The following ACOT9 variants were observed in gnomAD, a reference collection of about 807,000 sequenced individuals.
The protein encoded by ACOT9 is acyl-CoA thioesterase 9.
A neutral mutation model predicts 39.7 loss-of-function variants in ACOT9; 34 were observed. That is an observed-to-expected ratio of 0.86 (90% CI 0.65 to 1.14). The LOEUF (loss-of-function observed/expected upper bound fraction) is 1.14. Ranked by LOEUF, ACOT9 falls within the 50% of genes most tolerant of loss-of-function variation. The probability of loss-of-function intolerance (pLI) is 0.00; values close to 1 mark genes in which losing one functional copy is unlikely to be tolerated. For missense variants in ACOT9, 313 were observed against 344.1 expected (o/e 0.91, Z 0.71); for synonymous variants, 110 against 120.5 (o/e 0.91, Z 0.57).
At position 23,723,245 on chromosome X, in the gene ACOT9, T is replaced by C. The variant is rs749243367; in HGVS notation, c.401-492A>G. 1.9e-4 allele frequency among the ~76,000 whole-genome samples: 21 copies of C among 111,997 alleles called. 1 individual carries two copies. Among genetic ancestry groups the C allele is most frequent in the Non-Finnish European group, 3.8e-5 (2 of 53,222 alleles). On this transcript the variant is annotated intron_variant, in intron 6 of 15. Transcript: ENST00000379303. Reference sequence around the variant, plus strand: ...CCACCCTGTGGTTATCTGTATACTTTCCATATTTTAACAAGCATTTATATG... The same window carrying C: ...CCACCCTGTGGTTATCTGTATACTTCCCATATTTTAACAAGCATTTATATG...
At chrX:23,735,772 C>A in intron 2 of ACOT9, 147 bp downstream of exon 2, 2 of 447,761 alleles carry the variant, frequency 4.5e-6, no homozygotes, top group Non-Finnish European at 7.5e-6. Flanking sequence ...ATGCAGCTAT[C>A]CTGGTCATTT....
intron 9 of ACOT9, among the ~76,000 whole-genome samples, chrX:23,711,042 G>C (rs1404887368): frequency 9.0e-6 from 1 of 110,845 alleles, no homozygotes; most frequent in Non-Finnish European, 1.9e-5. Context: ...AAACGGGCTG[G>C]GCGAAATGAC....
chrX:23,724,039 G>A (rs1038308532), intron 6 of ACOT9, among the ~76,000 whole-genome samples: 3 of 111,835 alleles, frequency 2.7e-5, no homozygotes, highest in African/African-American at 9.8e-5. Flanking sequence ...AAGGCAGGAA[G>A]ATCACTTGAG....
chrX:23,726,208 AT>A (rs2146842387), intron 6 of ACOT9, among the ~76,000 whole-genome samples: 1 of 112,151 alleles, frequency 8.9e-6, no homozygotes, highest in African/African-American at 3.2e-5. Context: ...CTCAAAAAAA[AT>A]AAATAAACAA....
rs750878661 is a variant in ACOT9, at chrX:23,711,076, T to C, written c.662+2059A>G. Among the ~76,000 whole-genome samples the C allele has an allele frequency of 2.6e-3, 294 of 111,185 alleles. 1 individual carries two copies. The highest frequency in any genetic ancestry group is 9.1e-3 in the African/African-American group (280 of 30,664). The stretch of plus-strand genomic sequence containing the variant: ...ACTCACGCCTGTTATCTCAGCACTT[T>C]GGAATCCCTAGGTGGGCAGATCACT... On this transcript the variant is annotated intron_variant, in intron 9 of 15. Transcript: ENST00000379303.
rs200394258 is a variant in ACOT9 at position 23,706,709 on chromosome X, G to C, written c.761C>G (p.Ser254Cys). Residue 254 changes from serine to cysteine, a missense_variant, in exon 11 of 16, where the codon TCC becomes TGC. Transcript: ENST00000379303. ...LNKGRRIAFS[S>C]TSLLKMAPSA... is the part of the protein sequence containing the mutation. ...GGGGGCCATTTTCAGTAACGACGTGGAGCTGAAGGCAATTCTTCTCCCCTT... is the reference window on the plus strand; with the variant it reads ...GGGGGCCATTTTCAGTAACGACGTGCAGCTGAAGGCAATTCTTCTCCCCTT... The C allele has an allele frequency of 5.0e-6, 6 of 1,201,820 alleles. No individual in the cohort carries two copies. In the African/African-American group the frequency reaches 8.8e-5, roughly 18 times the overall value.
At position 23,720,007 on chromosome X, in the gene ACOT9, T is replaced by G. The variant is rs56244666; in HGVS notation, c.588+1874A>C. Among the ~76,000 whole-genome samples, 801 of 110,839 alleles carry G rather than the reference T, an allele frequency of 7.2e-3. 3 individuals carry two copies. The highest frequency in any genetic ancestry group is 0.012 in the South Asian group (33 of 2,668). On this transcript the variant is annotated intron_variant, in intron 8 of 15. Transcript: ENST00000379303. ...CCGCCACCACGCCCGGCTAATTTTT[T>G]TATTTTTAGTAGAGACAGGGTTTCA...
intron 6 of ACOT9, among the ~76,000 whole-genome samples, chrX:23,729,105 G>T (rs181642402): frequency 3.4e-4 from 38 of 111,382 alleles, no homozygotes; most frequent in African/African-American, 1.2e-3. Flanking sequence ...TAATTACAAA[G>T]GGGAAAAGAG....
rs752666995 is a variant in ACOT9 at position 23,713,137 on chromosome X, T to G, written c.660A>C (p.Lys220Asn). 6 of 1,201,997 alleles carry G rather than the reference T, an allele frequency of 5.0e-6. No homozygotes were observed. The highest frequency in any genetic ancestry group is 6.8e-6 in the Non-Finnish European group (6 of 888,412). The change falls in exon 9 of 16, where the codon AAA becomes AAC. Residue 220 changes from lysine to asparagine, a missense_variant and splice_region_variant. Coordinates refer to ENST00000379303, the MANE Select transcript of ACOT9 (RefSeq NM_001037171.2). ...AATTATGAAAAAATAGCAATTACCC[T>G]TTATTTTCAGAATCACGAGCCACCA... The part of the protein sequence containing the change: ...FVMVARDSEN[K>N]GPAFVNPLIP...
chrX:23,706,046 C>T (rs1928669560), intron 11 of ACOT9, among the ~76,000 whole-genome samples, 188 bp from the exon 12 acceptor site: 1 of 112,107 alleles, frequency 8.9e-6, no homozygotes, highest in Non-Finnish European at 1.9e-5. Flanking sequence ...AGGCAGATCA[C>T]ATGAGGTCAG....
At chrX:23,731,375 G>C (rs1929742684) in intron 4 of ACOT9, among the ~76,000 whole-genome samples, 1 of 108,936 alleles carries the variant, frequency 9.2e-6, no homozygotes, top group African/African-American at 3.3e-5. Context: ...TACTTGGTAG[G>C]CTGAGGCAGG....
intron 6 of ACOT9, among the ~76,000 whole-genome samples, chrX:23,727,055 A>G (rs956891266): frequency 1.8e-5 from 2 of 112,224 alleles, no homozygotes; most frequent in Non-Finnish European, 3.8e-5. Flanking sequence ...CCTGGCCTCA[A>G]GTGATCCACC....
At chrX:23,716,940 C>T (rs949846765) in intron 8 of ACOT9, among the ~76,000 whole-genome samples, 1 of 110,705 alleles carries the variant, frequency 9.0e-6, no homozygotes, top group Non-Finnish European at 1.9e-5. Flanking sequence ...CTGAAAACTC[C>T]ATCTCCCAGG....
chrX:23,735,215 T>C (rs1467591257), intron 2 of ACOT9, among the ~76,000 whole-genome samples: 1 of 74,869 alleles, frequency 1.3e-5, no homozygotes, highest in Non-Finnish European at 2.3e-5. Context: ...CACTCCAGCC[T>C]GGGTGACAGA....
Position 23,703,631 on chromosome X carries a change from G to T in ACOT9, c.*263C>A. ...CCACGCCCAGCCTCTCAATTTTTTTGTTTTTTCAGAAGATGGGAGGCAACA... is the reference window on the plus strand; with the variant it reads ...CCACGCCCAGCCTCTCAATTTTTTTTTTTTTTCAGAAGATGGGAGGCAACA... On this transcript the variant is annotated 3_prime_UTR_variant, in exon 16 of 16. Coordinates refer to ENST00000379303, the MANE Select transcript of ACOT9 (RefSeq NM_001037171.2). 4.1e-6 allele frequency: 1 copy of T among 245,571 alleles called. No individual in the cohort carries two copies. Among genetic ancestry groups the T allele is most frequent in the Non-Finnish European group, 7.3e-6 (1 of 137,226 alleles). 20.2% of individuals were successfully genotyped at this position (245,571 alleles called of 1,213,427 possible).
At chrX:23,723,563 AC>A in intron 6 of ACOT9, among the ~76,000 whole-genome samples, 1 of 98,022 alleles carries the variant, frequency 1.0e-5, no homozygotes, top group Non-Finnish European at 2.0e-5. Flanking sequence ...AGATCGTACC[AC>A]TGCACTCCAG....
intron 1 of ACOT9, among the ~76,000 whole-genome samples, chrX:23,736,358 A>C (rs1929950166): frequency 8.9e-6 from 1 of 112,638 alleles, no homozygotes; most frequent in Non-Finnish European, 1.9e-5. Context: ...GAGCAAACTC[A>C]TTATGAACAA....
chrX:23,728,629 C>T (rs1287776358), intron 6 of ACOT9, among the ~76,000 whole-genome samples: 5 of 111,347 alleles, frequency 4.5e-5, no homozygotes, highest in African/African-American at 1.3e-4. Context: ...CATATATGTA[C>T]GTATATGCAC....
At chrX:23,712,437 C>T (rs1265820754) in intron 9 of ACOT9, among the ~76,000 whole-genome samples, 1 of 104,310 alleles carries the variant, frequency 9.6e-6, no homozygotes, top group Non-Finnish European at 1.9e-5. Context: ...ATAATATTCT[C>T]TTAAGTAACT....
Sources: gnomAD v4.1 joint callset for allele counts (sites outside exome capture counted in the v4.1 genomes callset) on GRCh38, gnomAD v4.1.1 for gene constraint, MANE v1.5 for transcripts, NCBI Gene and HGNC (gene_info 2026-07-23, HGNC 2026-07-21) for gene names.